Variants in EXD2 observed in about 807,000 individuals in gnomAD.
EXD2 encodes the protein exonuclease 3'-5' domain-containing protein 2.
EXD2 carries 40 observed loss-of-function variants against 62.5 expected under a neutral mutation model. The ratio of observed to expected loss-of-function variants is 0.64; its 90% CI spans 0.50 to 0.83. The LOEUF (loss-of-function observed/expected upper bound fraction) is 0.83, where lower values mean the gene tolerates loss of function less well. Ranked by LOEUF, EXD2 falls within the 40% of genes least tolerant of loss-of-function variation. The probability of loss-of-function intolerance (pLI) is 0.00; values close to 1 mark genes in which losing one functional copy is unlikely to be tolerated. For missense variants in EXD2, 671 were observed against 761.8 expected, an observed-to-expected ratio of 0.88 and a Z score of 1.40; for synonymous variants, 239 against 291.9, an observed-to-expected ratio of 0.82 and a Z score of 1.85.
intron 5 of EXD2, among the ~76,000 whole-genome samples, chr14:69,233,391 T>A (rs527789907): frequency 1.2e-4 from 19 of 152,042 alleles, no homozygotes; most frequent in East Asian, 5.8e-4. Flanking sequence ...TTAGTTTTTT[T>A]AAAATTTTAG....
Position 69,237,771 on chromosome 14 carries a change from C to T in EXD2, c.1489C>T (p.Pro497Ser), listed in dbSNP as rs890229608. 3 of 1,613,816 alleles carry T rather than the reference C, an allele frequency of 1.9e-6. No homozygotes were observed. The highest frequency in any genetic ancestry group is 1.1e-5 in the South Asian group (1 of 91,018). The change falls in exon 9 of 10, where the codon CCT (proline) becomes TCT (serine). Residue 497 changes from proline (P) to serine (S), a missense_variant. Pro to Ser is a moderately conservative substitution (Grantham distance 74, BLOSUM62 -1). Coordinates refer to ENST00000685843, the MANE Select transcript of EXD2 (RefSeq NM_001193360.2). ...GGAGGGCTTGCGCCTGCTGGAAGAT[C>T]CTGAGCGCCGGCAGGTGCGTTCTGG... Reference protein sequence around the residue: ...SEEGLRLLEDPERRQVRSGAR... With the variant: ...SEEGLRLLEDSERRQVRSGAR...
At chr14:69,238,300 A>G (rs2043869003) in intron 9 of EXD2, among the ~76,000 whole-genome samples, 1 of 152,150 alleles carries the variant, frequency 6.6e-6, no homozygotes, top group South Asian at 2.1e-4. Flanking sequence ...GTCCAATAAC[A>G]CCCTCGAAGT....
chr14:69,237,837 C>G lies in EXD2; in HGVS notation c.1555C>G (p.Arg519Gly). The change falls in exon 9 of 10, where the codon CGA becomes GGA. Residue 519 changes from arginine (R) to glycine (G), a missense_variant. Coordinates refer to ENST00000685843, the MANE Select transcript of EXD2 (RefSeq NM_001193360.2). ...LLNAESLPTQ[R>G]KEELLQALRE... ...CAACGCGGAGAGCCTGCCTACTCAG[C>G]GAAAGGAGGAGCTGCTGCAAGCACT... 6.2e-7 allele frequency: 1 copy of G among 1,613,104 alleles called. No individual in the cohort carries two copies. The highest frequency in any genetic ancestry group is 8.5e-7 in the Non-Finnish European group (1 of 1,179,704).
chr14:69,238,209 G>A (rs1436040720), intron 9 of EXD2, among the ~76,000 whole-genome samples: 4 of 152,154 alleles, frequency 2.6e-5, no homozygotes, highest in South Asian at 4.1e-4. Flanking sequence ...ATTAGCGTGC[G>A]AGTGCAGTTG....
At chr14:69,212,699 A>ATTTTTTT (rs71102635) in intron 3 of EXD2, among the ~76,000 whole-genome samples, 2 of 57,316 alleles carry the variant, frequency 3.5e-5, no homozygotes, top group Non-Finnish European at 6.0e-5. Context: ...ATGGTTCTTG[A>ATTTTTTT]TTTTTTTTTT....
chr14:69,197,553 G>A (rs1050087395), intron 1 of EXD2, among the ~76,000 whole-genome samples: 20 of 152,000 alleles, frequency 1.3e-4, no homozygotes, highest in South Asian at 1.0e-3. Flanking sequence ...GGTATAGGTC[G>A]TTTTTCAGCC....
At chr14:69,237,955 A>T in intron 9 of EXD2, 24 bp downstream of exon 9, 1 of 1,525,406 alleles carries the variant, frequency 6.6e-7, no homozygotes, top group Non-Finnish European at 8.8e-7. Flanking sequence ...GAATTGTGGA[A>T]TGTACCAGGG....
At position 69,234,818 on chromosome 14, in the gene EXD2, A is replaced by C. The variant is rs1454792208; in HGVS notation, c.836A>C (p.Lys279Thr). Reference protein sequence around the residue: ...EKNDDHSSWRKVLEKCQGVVD... With the variant: ...EKNDDHSSWRTVLEKCQGVVD... Reference sequence around the variant, plus strand: ...AACGATGACCACAGTAGCTGGAGAAAAGTCTTGGAAAAATGCCAGGGTGTG... The same window carrying C: ...AACGATGACCACAGTAGCTGGAGAACAGTCTTGGAAAAATGCCAGGGTGTG... Residue 279 changes from lysine to threonine, a missense_variant, in exon 6 of 10, where the codon AAA (lysine) becomes ACA (threonine). Lys to Thr is a moderately conservative substitution (Grantham distance 78, BLOSUM62 -1). Transcript: ENST00000685843. 9 of 1,614,080 alleles carry C rather than the reference A, an allele frequency of 5.6e-6. No homozygotes were observed. Among genetic ancestry groups the C allele is most frequent in the South Asian group, 1.1e-5 (1 of 91,084 alleles).
At chr14:69,235,643 T>C (rs2043756055) in intron 6 of EXD2, 1 of 290,218 alleles carries the variant, frequency 3.4e-6, no homozygotes, top group Non-Finnish European at 6.6e-6. Context: ...TGTTACTGCA[T>C]GTGAGTTAGA....
chr14:69,214,909 C>CAT (rs2042938707), intron 3 of EXD2, among the ~76,000 whole-genome samples: 1 of 151,794 alleles, frequency 6.6e-6, no homozygotes, highest in Non-Finnish European at 1.5e-5. Flanking sequence ...GATTTGTTGC[C>CAT]ATATAGTGTT....
Position 69,240,949 on chromosome 14 carries a change from T to G in EXD2, c.1715T>G (p.Leu572Arg). The G allele has an allele frequency of 6.2e-7, 1 of 1,613,664 alleles. No homozygotes were observed. Among genetic ancestry groups the G allele is most frequent in the Non-Finnish European group, 8.5e-7 (1 of 1,180,032 alleles). The change falls in exon 10 of 10, where the codon CTG (leucine) becomes CGG (arginine). Residue 572 changes from leucine (L) to arginine (R), a missense_variant. Physicochemically the swap from Leu to Arg is moderately radical, Grantham distance 102. Coordinates refer to ENST00000685843, the MANE Select transcript of EXD2 (RefSeq NM_001193360.2). ...GTGCAGTGTCACAGCCAGGGTGGCC[T>G]GCGCTCCCTCATGCAGCTGGAGAGC... ...KVVQCHSQGG[L>R]RSLMQLESRW...
intron 1 of EXD2, among the ~76,000 whole-genome samples, chr14:69,196,622 C>CT (rs3045582): frequency 9.6e-4 from 131 of 136,796 alleles, no homozygotes; most frequent in Non-Finnish European, 1.3e-3. Flanking sequence ...ATTGCCAGCA[C>CT]TTTTTTTTTT....
At chr14:69,231,909 TAAA>T (rs747438242) in intron 5 of EXD2, among the ~76,000 whole-genome samples, 11 of 60,628 alleles carry the variant, frequency 1.8e-4, no homozygotes, top group African/African-American at 4.9e-4. Flanking sequence ...GCATGAGCAG[TAAA>T]AAAAAAAAAA....
chr14:69,218,291 A>G (rs2043052635), intron 3 of EXD2, among the ~76,000 whole-genome samples: 1 of 152,164 alleles, frequency 6.6e-6, no homozygotes, highest in East Asian at 1.9e-4. Flanking sequence ...GCCCGTGATG[A>G]TGAACATTTT....
chr14:69,192,830 C>A (rs1473359356), intron 1 of EXD2, among the ~76,000 whole-genome samples: 1 of 152,192 alleles, frequency 6.6e-6, no homozygotes, highest in Non-Finnish European at 1.5e-5. Context: ...TTTCTACTTG[C>A]TCTGTAAATT....
chr14:69,222,648 T>G (rs2043224970), intron 3 of EXD2, among the ~76,000 whole-genome samples: 1 of 152,234 alleles, frequency 6.6e-6, no homozygotes, highest in South Asian at 2.1e-4. Flanking sequence ...CAAACTGAGA[T>G]GCCTACAAGA....
rs371556169 is a variant in EXD2, at chr14:69,229,109, C to T, written c.590+37C>T. On this transcript the variant is annotated intron_variant, in intron 4 of 9. Coordinates refer to ENST00000685843, the MANE Select transcript of EXD2 (RefSeq NM_001193360.2). The stretch of plus-strand genomic sequence containing the variant: ...ATGAATGCTGGGATTCCTATAGCTG[C>T]GGGACAAATATTTTAGCCAGATTTG... The T allele has an allele frequency of 9.8e-4, 1,579 of 1,606,900 alleles. 22 individuals carry two copies. The South Asian group carries it at 0.016, about 16-fold the overall frequency.
chr14:69,208,549 T>G (rs1204641391), intron 2 of EXD2, among the ~76,000 whole-genome samples: 3 of 152,220 alleles, frequency 2.0e-5, no homozygotes, highest in Non-Finnish European at 2.9e-5. Context: ...TTACTGTTAT[T>G]TTAATAGAAC....
chr14:69,206,935 T>G (rs145058683), intron 2 of EXD2, among the ~76,000 whole-genome samples: 132 of 152,370 alleles, frequency 8.7e-4, no homozygotes, highest in African/African-American at 2.7e-3. Flanking sequence ...CTTTTATGTC[T>G]TCTCAGATTA....
Sources: allele counts gnomAD v4.1 joint callset (sites outside exome capture counted in the v4.1 genomes callset), GRCh38; gene constraint gnomAD v4.1.1; transcripts MANE v1.5; gene names NCBI Gene and HGNC (gene_info 2026-07-23, HGNC 2026-07-21).